Variants in NEURL1B observed in about 807,000 individuals in gnomAD.
The protein encoded by NEURL1B is neuralized E3 ubiquitin protein ligase 1B.
In NEURL1B, 13 loss-of-function variants were observed where a neutral mutation model predicts 37.4. That is an observed-to-expected ratio of 0.35 (90% CI 0.23 to 0.55). NEURL1B has a LOEUF of 0.55. NEURL1B is among the 20% of genes least tolerant of loss of function. The pLI is 0.89. For synonymous variants in NEURL1B, 432 were observed against 426.6 expected (o/e 1.01, Z -0.16); for missense variants, 790 against 879.2 (o/e 0.90, Z 1.28).
At chr5:172,663,539 A>AAG (rs1561645689) in intron 1 of NEURL1B, among the ~76,000 whole-genome samples, 4 of 143,306 alleles carry the variant, frequency 2.8e-5, no homozygotes, top group African/African-American at 5.2e-5. Context: ...AAAAAAAAAA[A>AAG]AAAGCCATGG....
At chr5:172,642,489 G>A (rs929310981) in intron 1 of NEURL1B, among the ~76,000 whole-genome samples, 2 of 152,218 alleles carry the variant, frequency 1.3e-5, no homozygotes, top group Non-Finnish European at 2.9e-5. Context: ...GGGGAAGCAA[G>A]TCAGCTGTGA....
chr5:172,658,592 A>G (rs1303133412), intron 1 of NEURL1B, among the ~76,000 whole-genome samples: 1 of 152,146 alleles, frequency 6.6e-6, no homozygotes, highest in Non-Finnish European at 1.5e-5. Flanking sequence ...CCTTCCCTGC[A>G]GGGATGACTT....
At chr5:172,660,006 C>T (rs1047902000) in intron 1 of NEURL1B, among the ~76,000 whole-genome samples, 17 of 152,302 alleles carry the variant, frequency 1.1e-4, no homozygotes, top group African/African-American at 4.1e-4. Flanking sequence ...CTCGAGGGGG[C>T]GGGGACAGTG....
chr5:172,662,077 T>C (rs1020809256), intron 1 of NEURL1B: 1 of 152,244 alleles, frequency 6.6e-6, no homozygotes, highest in African/African-American at 2.4e-5. Flanking sequence ...AATAAACCTT[T>C]CCTAGTCAAA....
chr5:172,670,799 A>G (rs948123892), intron 2 of NEURL1B, among the ~76,000 whole-genome samples: 3 of 152,190 alleles, frequency 2.0e-5, no homozygotes, highest in Non-Finnish European at 4.4e-5. Flanking sequence ...TTAGTCGTTC[A>G]TTCACTCATT....
At position 172,687,208 on chromosome 5, in the gene NEURL1B, G is replaced by A. The variant is rs554771187; in HGVS notation, c.*283G>A. 41 of 314,474 alleles carry A rather than the reference G, an allele frequency of 1.3e-4. No individual in the cohort carries two copies. Among genetic ancestry groups the A allele is most frequent in the African/African-American group, 1.7e-4 (8 of 46,308 alleles). 19.5% of individuals were successfully genotyped at this position (314,474 alleles called of 1,614,324 possible). ...GGTGACCTTTCAACTGGGAAACAGCGTCCTCTGTCTGTGCAATGCTTCTTG... is the reference window on the plus strand; with the variant it reads ...GGTGACCTTTCAACTGGGAAACAGCATCCTCTGTCTGTGCAATGCTTCTTG... On this transcript the variant is annotated 3_prime_UTR_variant, in exon 5 of 5. Transcript: ENST00000369800.
chr5:172,662,198 T>G (rs951826489), intron 1 of NEURL1B: 1 of 153,940 alleles, frequency 6.5e-6, no homozygotes, highest in African/African-American at 2.4e-5. Context: ...CACAACAACC[T>G]TGCAGGGTAG....
intron 2 of NEURL1B, among the ~76,000 whole-genome samples, chr5:172,673,814 C>CA (rs34986749): frequency 0.33 from 40,772 of 124,336 alleles, 7,109 homozygotes; most frequent in African/African-American, 0.49. Flanking sequence ...CGTACTTATG[C>CA]AAAAAAAAAA....
In NEURL1B at chr5:172,647,715, G is replaced by A. The variant is rs557610768; in HGVS notation, c.31+6278G>A. 1.4e-4 allele frequency among the ~76,000 whole-genome samples: 20 copies of A among 144,402 alleles called. No individual in the cohort carries two copies. The highest frequency in any genetic ancestry group is 2.5e-4 in the South Asian group (1 of 4,014). The allele number at this position is 144,402 out of a possible 152,430, so 94.7% of individuals were successfully genotyped here. ...GTGCCTAGAGAAGCCCCCTGCCCCC[G>A]CCCACCTCACCCCAGGCCTGTAGAC... On this transcript the variant is annotated intron_variant, in intron 1 of 4. Coordinates refer to ENST00000369800, the MANE Select transcript of NEURL1B (RefSeq NM_001142651.3). This position sits in a 1 kb window ranked among gnomAD's most constrained non-coding sequence, Gnocchi z 4.2.
intron 1 of NEURL1B, among the ~76,000 whole-genome samples, chr5:172,644,458 CTACACTA>C (rs1757525089): frequency 6.6e-6 from 1 of 152,196 alleles, no homozygotes; most frequent in Admixed American, 6.5e-5. Context: ...ACGTGGCATG[CTACACTA>C]TACAATAAGG....
intron 1 of NEURL1B, among the ~76,000 whole-genome samples, chr5:172,646,688 G>A (rs545683859): frequency 2.0e-5 from 3 of 152,304 alleles, no homozygotes; most frequent in East Asian, 1.9e-4. Flanking sequence ...TACAGTACGC[G>A]GTCGGCAGGG....
At chr5:172,671,469 C>G (rs930670604) in intron 2 of NEURL1B, among the ~76,000 whole-genome samples, 4 of 152,220 alleles carry the variant, frequency 2.6e-5, no homozygotes, top group African/African-American at 4.8e-5. Context: ...CAAGCCTTCT[C>G]TTCTCCAGAG....
chr5:172,678,478 TC>T (rs1171821920), intron 2 of NEURL1B, among the ~76,000 whole-genome samples: 1 of 151,996 alleles, frequency 6.6e-6, no homozygotes. Flanking sequence ...AACTCTTGAA[TC>T]CCCCACCTCC....
At chr5:172,656,130 G>A (rs1201065834) in intron 1 of NEURL1B, among the ~76,000 whole-genome samples, 1 of 152,128 alleles carries the variant, frequency 6.6e-6, no homozygotes, top group Admixed American at 6.5e-5. Context: ...AACTAATTCT[G>A]ACTGGCTAAT....
chr5:172,684,263 C>T lies in NEURL1B; in HGVS notation c.1297+125C>T, dbSNP rs1230139549. ...CGCTGCACCGCCCGAGGCCAGCCCG[C>T]GGTTCCCAACTTTAAGCGCCCGGGC... On this transcript the variant is annotated intron_variant, in intron 3 of 4. Transcript: ENST00000369800. The T allele has an allele frequency of 2.3e-5, 20 of 869,646 alleles. No individual in the cohort carries two copies. In the East Asian group the frequency reaches 6.8e-4, roughly 30 times the overall value. 53.9% of individuals were successfully genotyped at this position (869,646 alleles called of 1,614,324 possible).
chr5:172,663,394 G>A (rs1050001462), intron 1 of NEURL1B, among the ~76,000 whole-genome samples: 2 of 151,698 alleles, frequency 1.3e-5, no homozygotes, highest in African/African-American at 2.4e-5. Context: ...GGTGGCGGGC[G>A]CCTGTAGTCC....
intron 1 of NEURL1B, among the ~76,000 whole-genome samples, chr5:172,652,030 G>A (rs922466269): frequency 6.6e-6 from 1 of 152,178 alleles, no homozygotes; most frequent in South Asian, 2.1e-4. Flanking sequence ...CATCCGCTCT[G>A]GGATGAACAA....
chr5:172,683,790 C>T lies in NEURL1B; in HGVS notation c.949C>T (p.Leu317=). The T allele has an allele frequency of 7.7e-7, 1 of 1,299,954 alleles. No individual in the cohort carries two copies. The allele number at this position is 1,299,954 out of a possible 1,614,324, so 80.5% of individuals were successfully genotyped here. Residue 317 remains leucine, a synonymous_variant, in exon 3 of 5, where the codon CTG becomes TTG. Transcript: ENST00000369800. The surrounding 1 kb of genome is among the most constrained non-coding windows in gnomAD (Gnocchi z 5.6). ...GRTLVFSERP[L]RPGESLFVEV... is the part of the protein sequence containing the mutation. ...CACGCTGGTCTTCTCCGAGCGCCCG[C>T]TGCGGCCCGGCGAGAGCCTCTTCGT...
chr5:172,656,001 AC>A (rs1395155143), intron 1 of NEURL1B, among the ~76,000 whole-genome samples: 3 of 152,234 alleles, frequency 2.0e-5, no homozygotes, highest in Admixed American at 6.5e-5. Context: ...GTACATCCTT[AC>A]AGATGGAGCA....
Sources: allele counts gnomAD v4.1 joint callset (sites outside exome capture counted in the v4.1 genomes callset), GRCh38; gene constraint gnomAD v4.1.1; non-coding constraint Gnocchi (gnomAD v3.1); transcripts MANE v1.5; gene names NCBI Gene and HGNC (gene_info 2026-07-23, HGNC 2026-07-21).